The following ITPR2 variants were observed in gnomAD, a reference collection of about 807,000 sequenced individuals.
The protein encoded by ITPR2 is inositol 1,4,5-trisphosphate receptor type 2, also known as inositol 1,4,5-trisphosphate-gated calcium channel ITPR2.
Under a neutral mutation model 317.1 loss-of-function variants are expected in ITPR2, and 207 were observed. That is an observed-to-expected ratio of 0.65 (90% CI 0.58 to 0.73). The LOEUF (loss-of-function observed/expected upper bound fraction) is 0.73, where lower values mean the gene tolerates loss of function less well. Ranked by LOEUF, ITPR2 falls within the 30% of genes least tolerant of loss-of-function variation. ITPR2 has a pLI of 0.00. For synonymous variants in ITPR2, 1,156 were observed against 1,149.1 expected (o/e 1.01, Z -0.12); for missense variants, 2,613 against 3,284.0 (o/e 0.80, Z 4.99).
chr12:26,455,337 C>A, intron 45 of ITPR2, among the ~76,000 whole-genome samples: 1 of 99,852 alleles, frequency 1.0e-5, no homozygotes. Context: ...GTCTAATCAA[C>A]AGCTGCTAAA....
intron 48 of ITPR2, among the ~76,000 whole-genome samples, chr12:26,431,987 G>A (rs989478207): frequency 1.3e-5 from 2 of 151,906 alleles, no homozygotes; most frequent in African/African-American, 2.4e-5. Flanking sequence ...CTTCTATACC[G>A]AGTCAAGGAA....
At chr12:26,463,349 C>T (rs552106081) in intron 45 of ITPR2, among the ~76,000 whole-genome samples, 1 of 152,166 alleles carries the variant, frequency 6.6e-6, no homozygotes, top group East Asian at 1.9e-4. Context: ...CAGTCTCATT[C>T]ATTTTATGGC....
intron 45 of ITPR2, among the ~76,000 whole-genome samples, chr12:26,462,329 A>G (rs1168257571): frequency 3.3e-5 from 5 of 151,700 alleles, no homozygotes; most frequent in Admixed American, 3.3e-4. Context: ...ACCACACCAA[A>G]CTAATTTTTG....
At chr12:26,750,162 G>T (rs117944579) in intron 2 of ITPR2, among the ~76,000 whole-genome samples, 1 of 152,204 alleles carries the variant, frequency 6.6e-6, no homozygotes, top group Non-Finnish European at 1.5e-5. Flanking sequence ...CCATGATGCT[G>T]AGCCTCAGAT....
Position 26,670,270 on chromosome 12 carries a change from C to G in ITPR2, c.1410-4219G>C, listed in dbSNP as rs535718086. On this transcript the variant is annotated intron_variant, in intron 13 of 56. Coordinates refer to ENST00000381340, the MANE Select transcript of ITPR2 (RefSeq NM_002223.4). ...CTCAAGTGGGTCCCTGACCCCTGACCCCTGAGCAGCCTAACTGGGAGGCAC... is the reference window on the plus strand; with the variant it reads ...CTCAAGTGGGTCCCTGACCCCTGACGCCTGAGCAGCCTAACTGGGAGGCAC... 2.9e-3 allele frequency among the ~76,000 whole-genome samples: 437 copies of G among 152,320 alleles called. 3 individuals are homozygous for G. The highest frequency in any genetic ancestry group is 0.01 in the African/African-American group (421 of 41,558).
At chr12:26,643,273 T>C (rs1054973634) in intron 21 of ITPR2, among the ~76,000 whole-genome samples, 1 of 152,220 alleles carries the variant, frequency 6.6e-6, no homozygotes, top group Non-Finnish European at 1.5e-5. Context: ...TTTGTTGCTG[T>C]TGTTATAGCA....
chr12:26,544,278 G>T (rs568751115), intron 37 of ITPR2, among the ~76,000 whole-genome samples: 1 of 151,858 alleles, frequency 6.6e-6, no homozygotes, highest in Admixed American at 6.6e-5. Flanking sequence ...AAGAAACATG[G>T]GTCAAGGAAG....
intron 43 of ITPR2, among the ~76,000 whole-genome samples, chr12:26,477,459 G>C (rs901449034): frequency 1.5e-4 from 23 of 151,872 alleles, no homozygotes; most frequent in Admixed American, 2.0e-4. Context: ...TTAGCAAATC[G>C]AAACCTAAAA....
chr12:26,816,573 T>C (rs1950857394), intron 1 of ITPR2, among the ~76,000 whole-genome samples: 1 of 152,194 alleles, frequency 6.6e-6, no homozygotes, highest in South Asian at 2.1e-4. Flanking sequence ...GAGGACATGA[T>C]TATTAGCAAA....
At chr12:26,399,192 A>C (rs1352163608) in intron 53 of ITPR2, 151 bp from the exon 54 acceptor site, 2 of 572,462 alleles carry the variant, frequency 3.5e-6, no homozygotes, top group African/African-American at 3.9e-5. Context: ...CTCTACTTTA[A>C]GTGTTGTAAG....
intron 55 of ITPR2, among the ~76,000 whole-genome samples, chr12:26,382,680 A>G (rs548530843): frequency 6.6e-6 from 1 of 150,508 alleles, no homozygotes; most frequent in Non-Finnish European, 1.5e-5. Context: ...CACACACAAA[A>G]AAAAAGAATT....
intron 54 of ITPR2, among the ~76,000 whole-genome samples, chr12:26,387,966 A>T (rs866948886): frequency 2.6e-5 from 4 of 151,606 alleles, no homozygotes; most frequent in Middle Eastern, 6.8e-3. Flanking sequence ...CTTGCTAATC[A>T]GGACAGAAAA....
At chr12:26,828,734 G>A (rs576588706) in intron 1 of ITPR2, among the ~76,000 whole-genome samples, 85 of 152,144 alleles carry the variant, frequency 5.6e-4, no homozygotes, top group Non-Finnish European at 6.8e-4. Flanking sequence ...AATAAAAATC[G>A]ATGAGATGAG....
At chr12:26,350,287 CAA>C (rs770243028) in intron 55 of ITPR2, among the ~76,000 whole-genome samples, 2 of 152,156 alleles carry the variant, frequency 1.3e-5, no homozygotes, top group Non-Finnish European at 2.9e-5. Context: ...TCTGGAGTTT[CAA>C]AGACTCATGG....
At chr12:26,783,613 A>T (rs1002238945) in intron 2 of ITPR2, among the ~76,000 whole-genome samples, 5 of 152,222 alleles carry the variant, frequency 3.3e-5, no homozygotes, top group African/African-American at 1.2e-4. Context: ...GGAAAAAGCA[A>T]AAGAATATAA....
At chr12:26,400,339 T>C (rs184038213) in intron 52 of ITPR2, 81 bp from the exon 53 acceptor site, 119 of 737,144 alleles carry the variant, frequency 1.6e-4, no homozygotes, top group South Asian at 6.6e-4. Context: ...GAAATATACA[T>C]ACAATAAATA....
At chr12:26,489,407 C>T (rs1280290747) in intron 39 of ITPR2, among the ~76,000 whole-genome samples, 1 of 152,110 alleles carries the variant, frequency 6.6e-6, no homozygotes, top group Non-Finnish European at 1.5e-5. Context: ...ATGGAGATGG[C>T]TATTTCTAGA....
chr12:26,607,571 T>A (rs558469744), intron 26 of ITPR2, among the ~76,000 whole-genome samples: 1 of 152,276 alleles, frequency 6.6e-6, no homozygotes, highest in African/African-American at 2.4e-5. Flanking sequence ...ATCATGGTTG[T>A]CGGTTTCTGC....
chr12:26,421,373 G>A (rs1262985557), intron 49 of ITPR2: 1 of 152,080 alleles, frequency 6.6e-6, no homozygotes, highest in Non-Finnish European at 1.5e-5. Context: ...TGACAGTGGC[G>A]TCTACCTATT....
Sources: gnomAD v4.1 joint callset for allele counts (sites outside exome capture counted in the v4.1 genomes callset) on GRCh38, gnomAD v4.1.1 for gene constraint, MANE v1.5 for transcripts, NCBI Gene and HGNC (gene_info 2026-07-23, HGNC 2026-07-21) for gene names.